The following CASC3 variants were observed in gnomAD, a reference collection of about 807,000 sequenced individuals.
The protein encoded by CASC3 is CASC3 exon junction complex subunit.
Under a neutral mutation model 80.5 loss-of-function variants are expected in CASC3, and 30 were observed. The ratio of observed to expected loss-of-function variants is 0.37; its 90% CI spans 0.28 to 0.51. CASC3 has a LOEUF of 0.51. Among genes scored for constraint, CASC3 ranks in the 20% least tolerant of loss-of-function variants. The probability of loss-of-function intolerance (pLI) is 0.94; values close to 1 mark genes in which losing one functional copy is unlikely to be tolerated. For missense variants in CASC3, 824 were observed against 922.2 expected (o/e 0.89, Z 1.38); for synonymous variants, 312 against 333.6 (o/e 0.94, Z 0.70).
intron 3 of CASC3, among the ~76,000 whole-genome samples, chr17:40,150,714 A>T (rs1044631060): frequency 6.6e-6 from 1 of 152,004 alleles, no homozygotes; most frequent in African/African-American, 2.4e-5. Flanking sequence ...GCATTTTTTT[A>T]AAAAACTGCT....
In CASC3 at chr17:40,170,553, A is replaced by AGG; in HGVS notation, c.*149_*150dup. Reference sequence around the variant, plus strand: ...CCTACCAGCAAACAGCTGAAAGAGGAGGACCCCTGCCTTCCTCTGAGGACA... The same window carrying AGG: ...CCTACCAGCAAACAGCTGAAAGAGGAGGGGACCCCTGCCTTCCTCTGAGGACA... On this transcript the variant is annotated 3_prime_UTR_variant, in exon 14 of 14. Coordinates refer to ENST00000264645, the MANE Select transcript of CASC3 (RefSeq NM_007359.5). 1 of 985,602 alleles carries AGG rather than the reference A, an allele frequency of 1.0e-6. No homozygotes were observed. Among genetic ancestry groups the AGG allele is most frequent in the Non-Finnish European group, 1.2e-6 (1 of 829,984 alleles). The allele number at this position is 985,602 out of a possible 1,614,324, so 61.1% of individuals were successfully genotyped here.
chr17:40,143,766 G>A (rs1260334781), intron 3 of CASC3, among the ~76,000 whole-genome samples: 2 of 151,792 alleles, frequency 1.3e-5, no homozygotes, highest in Non-Finnish European at 2.9e-5. Context: ...GGAGGCAGAG[G>A]TTGCAGTGAG....
intron 13 of CASC3, 110 bp from the exon 14 acceptor site, chr17:40,170,337 A>T: frequency 1.4e-6 from 1 of 709,064 alleles, no homozygotes; most frequent in Non-Finnish European, 1.7e-6. Flanking sequence ...GTTTAAGGAC[A>T]TTACTTAAAA....
At chr17:40,157,029 T>C (rs111862124) in intron 3 of CASC3, among the ~76,000 whole-genome samples, 12,087 of 150,972 alleles carry the variant, frequency 0.08, 1,126 homozygotes, top group African/African-American at 0.23. Flanking sequence ...AGTGATACAG[T>C]GAGACCCCAT....
intron 3 of CASC3, among the ~76,000 whole-genome samples, chr17:40,145,253 C>T (rs1200377892): frequency 6.6e-6 from 1 of 150,772 alleles, no homozygotes; most frequent in African/African-American, 2.4e-5. Context: ...CTCACTGCAG[C>T]CTCCGCCCCG....
At chr17:40,141,670 A>G (rs1988721147) in intron 3 of CASC3, 63 bp downstream of exon 3, 4 of 1,224,924 alleles carry the variant, frequency 3.3e-6, no homozygotes, top group South Asian at 2.5e-5. Flanking sequence ...ACGTGTACAC[A>G]CCTTCGTTGC....
At chr17:40,147,543 A>G (rs1988891867) in intron 3 of CASC3, among the ~76,000 whole-genome samples, 3 of 152,070 alleles carry the variant, frequency 2.0e-5, no homozygotes, top group Admixed American at 2.0e-4. Context: ...GCTACTGAGG[A>G]GGTTCAGGCA....
At position 40,166,875 on chromosome 17, in the gene CASC3, A is replaced by G. The variant is rs372414129; in HGVS notation, c.1536+14A>G. The stretch of plus-strand genomic sequence containing the variant: ...ATGGAAGAAATGGTACAGAAGGGGA[A>G]AGGGGTAGATGGGGGAGGGAGCTGC... On this transcript the variant is annotated intron_variant, in intron 8 of 13. Transcript: ENST00000264645. The G allele has an allele frequency of 2.9e-5, 46 of 1,600,604 alleles. No homozygotes were observed. In the African/African-American group the frequency reaches 5.4e-4, roughly 19 times the overall value.
intron 3 of CASC3, among the ~76,000 whole-genome samples, chr17:40,142,732 C>G (rs1407586023): frequency 6.7e-6 from 1 of 150,346 alleles, no homozygotes; most frequent in African/African-American, 2.4e-5. Context: ...ACTAAAAATA[C>G]AAAAAAAAAT....
In CASC3 at chr17:40,163,871, A is replaced by G. The variant is rs1989373993; in HGVS notation, c.1176A>G (p.Pro392=). 6 of 1,614,112 alleles carry G rather than the reference A, an allele frequency of 3.7e-6. No homozygotes were observed. Among genetic ancestry groups the G allele is most frequent in the East Asian group, 2.2e-5 (1 of 44,878 alleles). Residue 392 remains proline (P), a synonymous_variant, in exon 7 of 14, where the codon CCA becomes CCG. Coordinates refer to ENST00000264645, the MANE Select transcript of CASC3 (RefSeq NM_007359.5). ...CAGCTGCTGCTCCTGATGCTGCACC[A>G]CCACCCCCTGATAGGCCCATTGAGA... The part of the protein sequence containing the change: ...EPPAAAPDAA[P]PPPDRPIEKK...
At position 40,162,920 on chromosome 17, in the gene CASC3, A is replaced by G. The variant is rs774323551; in HGVS notation, c.785+19A>G. On this transcript the variant is annotated intron_variant, in intron 6 of 13. Coordinates refer to ENST00000264645, the MANE Select transcript of CASC3 (RefSeq NM_007359.5). ...AACCCCGGTGAGGACATTTTAGAACATAAGACCAGGCTGGGTATGGTGGCT... is the reference window on the plus strand; with the variant it reads ...AACCCCGGTGAGGACATTTTAGAACGTAAGACCAGGCTGGGTATGGTGGCT... 46 of 1,610,868 alleles carry G rather than the reference A, an allele frequency of 2.9e-5. No homozygotes were observed. In the South Asian group the frequency reaches 3.3e-4, roughly 12 times the overall value.
intron 3 of CASC3, among the ~76,000 whole-genome samples, chr17:40,152,240 C>G (rs1989028965): frequency 6.6e-6 from 1 of 152,228 alleles, no homozygotes; most frequent in Admixed American, 6.5e-5. Flanking sequence ...TGGGCTTAAG[C>G]AATCCTCCCA....
Position 40,167,512 on chromosome 17 carries a change from T to C in CASC3, c.1551T>C (p.Gly517=). The C allele has an allele frequency of 1.2e-6, 2 of 1,614,024 alleles. No individual in the cohort carries two copies. The highest frequency in any genetic ancestry group is 1.3e-5 in the African/African-American group (1 of 75,008). ...NRMEEMGVQG[G]RAKRYSSQRQ... ...CTTTGTCTCAGGGTGTCCAGGGTGG[T>C]CGAGCCAAACGCTATTCATCCCAGC... The change falls in exon 9 of 14, where the codon GGT becomes GGC. Residue 517 remains glycine, a synonymous_variant. Coordinates refer to ENST00000264645, the MANE Select transcript of CASC3 (RefSeq NM_007359.5).
intron 11 of CASC3, 172 bp downstream of exon 11, chr17:40,168,589 A>G (rs1989513900): frequency 3.2e-6 from 2 of 625,508 alleles, no homozygotes; most frequent in African/African-American, 3.7e-5. Context: ...AGCTTATGTA[A>G]TGCCCATCAT....
chr17:40,163,674 A>G lies in CASC3; in HGVS notation c.979A>G (p.Arg327Gly). ...GGFKEGRAGF[R>G]PVEAGGQHGG... ...CTTCAAGGAAGGTCGTGCTGGTTTT[A>G]GGCCTGTGGAAGCTGGTGGGCAGCA... Residue 327 changes from arginine (R) to glycine (G), a missense_variant, in exon 7 of 14, where the codon AGG (arginine) becomes GGG (glycine). Around this residue, in one of 3 missense-constraint regions of CASC3, gnomAD observed 464 missense variants for 506.0 expected, o/e 0.92. Transcript: ENST00000264645. The G allele has an allele frequency of 6.2e-7, 1 of 1,614,126 alleles. No individual in the cohort carries two copies. The highest frequency in any genetic ancestry group is 8.5e-7 in the Non-Finnish European group (1 of 1,180,016).
chr17:40,146,876 G>T (rs1054185264), intron 3 of CASC3, among the ~76,000 whole-genome samples: 9 of 152,136 alleles, frequency 5.9e-5, no homozygotes, highest in African/African-American at 2.2e-4. Flanking sequence ...GTGAGCCACT[G>T]CACCCAGCTG....
intron 5 of CASC3, 31 bp from the exon 6 acceptor site, chr17:40,162,694 A>C: frequency 6.2e-7 from 1 of 1,608,794 alleles, no homozygotes; most frequent in Non-Finnish European, 8.5e-7. Context: ...AATTCTGCTG[A>C]CCCAAGACAC....
At chr17:40,168,113 C>T (rs895520902) in intron 10 of CASC3, 90 bp from the exon 11 acceptor site, 29 of 1,351,642 alleles carry the variant, frequency 2.1e-5, no homozygotes, top group Non-Finnish European at 2.7e-5. Flanking sequence ...GACTTCCATT[C>T]TGAGCCTGAT....
chr17:40,140,824 C>T, intron 1 of CASC3, 45 bp downstream of exon 1: 2 of 118,792 alleles, frequency 1.7e-5, no homozygotes, highest in South Asian at 1.1e-4. Flanking sequence ...GGCGGCGAGC[C>T]GGCCGGGGGC....
Sources: gnomAD v4.1 joint callset for allele counts (sites outside exome capture counted in the v4.1 genomes callset) on GRCh38, gnomAD v4.1.1 for gene constraint, gnomAD v4.1.1 regional missense constraint, MANE v1.5 for transcripts, NCBI Gene and HGNC (gene_info 2026-07-23, HGNC 2026-07-21) for gene names.